Variants in HEATR5B observed in about 807,000 individuals in gnomAD.
HEATR5B encodes the protein HEAT repeat containing 5B.
HEATR5B carries 156 observed loss-of-function variants against 224.1 expected under a neutral mutation model. The ratio of observed to expected loss-of-function variants is 0.70; its 90% CI spans 0.61 to 0.80. The LOEUF (loss-of-function observed/expected upper bound fraction) is 0.80, where lower values mean the gene tolerates loss of function less well. Ranked by LOEUF, HEATR5B falls within the 30% of genes least tolerant of loss-of-function variation. The pLI is 0.00. For synonymous variants in HEATR5B, 1,027 were observed against 893.0 expected, an observed-to-expected ratio of 1.15 and a Z score of -2.68; for missense variants, 2,323 against 2,535.5, an observed-to-expected ratio of 0.92 and a Z score of 1.80.
intron 26 of HEATR5B, among the ~76,000 whole-genome samples, chr2:37,017,934 C>G (rs1231827250): frequency 1.3e-5 from 2 of 152,092 alleles, no homozygotes; most frequent in African/African-American, 4.8e-5. Flanking sequence ...TATTGATCCA[C>G]TGATTACTGT....
chr2:36,982,395 T>A (rs1665642765), intron 35 of HEATR5B, among the ~76,000 whole-genome samples: 1 of 152,202 alleles, frequency 6.6e-6, no homozygotes, highest in Non-Finnish European at 1.5e-5. Context: ...AGGCTTCATC[T>A]CCTTTTGTTA....
chr2:37,079,948 A>G (rs1408042199), intron 2 of HEATR5B, among the ~76,000 whole-genome samples: 1 of 152,212 alleles, frequency 6.6e-6, no homozygotes, highest in Non-Finnish European at 1.5e-5. Context: ...AGAGTTTACC[A>G]AACAAACAAA....
intron 21 of HEATR5B, among the ~76,000 whole-genome samples, chr2:37,036,730 T>C (rs1171592491): frequency 1.3e-5 from 2 of 152,190 alleles, no homozygotes; most frequent in East Asian, 3.9e-4. Context: ...CAGGCTGGTC[T>C]CGAACTCCTG....
chr2:37,063,075 C>G (rs1671379985), intron 10 of HEATR5B, among the ~76,000 whole-genome samples: 1 of 152,188 alleles, frequency 6.6e-6, no homozygotes, highest in Non-Finnish European at 1.5e-5. Context: ...ATTGGGATTA[C>G]AGGTCTGAGC....
chr2:37,053,439 C>A, intron 17 of HEATR5B, 63 bp downstream of exon 17: 1 of 841,668 alleles, frequency 1.2e-6, no homozygotes. Flanking sequence ...CTTGCTATGT[C>A]TGGCTTATTA....
intron 35 of HEATR5B, among the ~76,000 whole-genome samples, chr2:36,984,125 G>A (rs963480946): frequency 1.4e-4 from 20 of 144,846 alleles, no homozygotes; most frequent in African/African-American, 4.9e-4. Context: ...ACTTGAACTC[G>A]GGAGGCGGAG....
chr2:37,065,751 A>ATACC lies in HEATR5B; in HGVS notation c.1333_1333+3dup. 1 of 1,608,594 alleles carries ATACC rather than the reference A, an allele frequency of 6.2e-7. No individual in the cohort carries two copies. Among genetic ancestry groups the ATACC allele is most frequent in the Non-Finnish European group, 8.5e-7 (1 of 1,176,952 alleles). ...ACATACTAGCAAGTAACTGAATGTC[A>ATACC]TACCTATAGATGCTTCTTGAATAAG... On this transcript the variant is annotated splice_donor_region_variant and intron_variant, in intron 9 of 35. Transcript: ENST00000233099.
chr2:37,069,939 C>G (rs1022965531), intron 7 of HEATR5B, among the ~76,000 whole-genome samples: 4 of 150,650 alleles, frequency 2.7e-5, no homozygotes, highest in Non-Finnish European at 5.9e-5. Flanking sequence ...GCTCTGTCAC[C>G]CAGGTTGGAG....
At chr2:37,083,523 A>G (rs1672756213) in intron 1 of HEATR5B, 87 bp from the exon 2 acceptor site, 1 of 926,678 alleles carries the variant, frequency 1.1e-6, no homozygotes, top group Non-Finnish European at 1.6e-6. Flanking sequence ...TAAGAAAAGT[A>G]GGACTACTCA....
rs2302657 is a variant in HEATR5B at position 37,005,736 on chromosome 2, A to C, written c.4801T>G (p.Ser1601Ala). The stretch of plus-strand genomic sequence containing the variant: ...TCAATGGGCTCCTCAGGTCTAGGGG[A>C]ACAAAGAAACTGTATACTCACACCT... ...ILGVSIQFLC[S>A]PRPEEPIEHV... Residue 1601 changes from serine to alanine, a missense_variant, in exon 30 of 36, where the codon TCC (serine) becomes GCC (alanine). Transcript: ENST00000233099. 1.1e-3 allele frequency: 1,773 copies of C among 1,596,066 alleles called. 31 individuals are homozygous for C. The East Asian group carries it at 0.035, about 31-fold the overall frequency.
intron 33 of HEATR5B, among the ~76,000 whole-genome samples, chr2:36,993,970 A>C (rs987779424): frequency 8.2e-6 from 1 of 122,268 alleles, no homozygotes; most frequent in African/African-American, 2.7e-5. Context: ...TATAATGACT[A>C]AAAAAAAAGA....
chr2:36,990,445 T>C (rs1229945193), intron 34 of HEATR5B, among the ~76,000 whole-genome samples: 1 of 152,222 alleles, frequency 6.6e-6, no homozygotes, highest in Non-Finnish European at 1.5e-5. Flanking sequence ...ATTTCAGATA[T>C]TGAAGAATTT....
rs1669212154 is a variant in HEATR5B at position 37,032,756 on chromosome 2, G to T, written c.3234C>A (p.Ser1078=). 1 of 1,613,466 alleles carries T rather than the reference G, an allele frequency of 6.2e-7. No homozygotes were observed. Among genetic ancestry groups the T allele is most frequent in the African/African-American group, 1.3e-5 (1 of 74,872 alleles). The change falls in exon 22 of 36, where the codon TCC becomes TCA. Residue 1078 remains serine, a synonymous_variant. Transcript: ENST00000233099. ...VPSLCVHLCS[S]HLLLRRAAVA... ...CAGCTGCTCGTCGAAGTAACAAATG[G>T]GAACTACATAAGTGAACCTGTAAAT...
intron 35 of HEATR5B, among the ~76,000 whole-genome samples, chr2:36,982,975 T>A (rs573890891): frequency 1.3e-5 from 2 of 151,348 alleles, no homozygotes; most frequent in Admixed American, 1.3e-4. Flanking sequence ...CTCCATGAGA[T>A]CAGGGACCTT....
intron 1 of HEATR5B, 33 bp from the exon 2 acceptor site, chr2:37,083,469 G>C: frequency 6.8e-7 from 1 of 1,479,826 alleles, no homozygotes; most frequent in South Asian, 1.2e-5. Flanking sequence ...ATACTTGTAA[G>C]TATTTTTTAA....
chr2:37,043,266 C>G (rs1669988372), intron 18 of HEATR5B, among the ~76,000 whole-genome samples: 1 of 152,130 alleles, frequency 6.6e-6, no homozygotes, highest in Non-Finnish European at 1.5e-5. Context: ...ATGAACCTGA[C>G]ACAAAGCACA....
chr2:37,073,441 G>A (rs773270265), intron 5 of HEATR5B, among the ~76,000 whole-genome samples: 8 of 151,982 alleles, frequency 5.3e-5, no homozygotes, highest in African/African-American at 1.5e-4. Flanking sequence ...ATGGGGTTTC[G>A]CTATGTTGGC....
At chr2:37,082,548 G>A (rs1348938980) in intron 2 of HEATR5B, among the ~76,000 whole-genome samples, 1 of 152,212 alleles carries the variant, frequency 6.6e-6, no homozygotes, top group African/African-American at 2.4e-5. Context: ...CACCTGGCCT[G>A]AAAACCGCTT....
At chr2:37,010,503 A>G (rs1667718972) in intron 27 of HEATR5B, among the ~76,000 whole-genome samples, 1 of 149,324 alleles carries the variant, frequency 6.7e-6, no homozygotes, top group South Asian at 2.1e-4. Context: ...TTCCCCCCTA[A>G]ATTTGTTATT....
Sources: allele counts gnomAD v4.1 joint callset (sites outside exome capture counted in the v4.1 genomes callset), GRCh38; gene constraint gnomAD v4.1.1; transcripts MANE v1.5; gene names NCBI Gene and HGNC (gene_info 2026-07-23, HGNC 2026-07-21).